JPT2: variants seen among roughly 807,000 people sequenced by gnomAD.
The protein encoded by JPT2 is CRAMP_1 like.
A neutral mutation model predicts 15.9 loss-of-function variants in JPT2; 9 were observed. The ratio of observed to expected loss-of-function variants is 0.57; its 90% CI spans 0.34 to 0.99. JPT2 has a LOEUF of 0.99. JPT2 is among the 50% of genes least tolerant of loss of function. JPT2 has a pLI of 0.02. For synonymous variants in JPT2, 95 were observed against 91.7 expected (o/e 1.04, Z -0.21); for missense variants, 267 against 252.1 (o/e 1.06, Z -0.40).
In JPT2 at chr16:1,699,068, T is replaced by A; in HGVS notation, c.*70T>A. ...ATAGGGTAGCCATGTTTTCATTTCC[T>A]TTTGCCCAAATGAGCGGGGTGGGAA... On this transcript the variant is annotated 3_prime_UTR_variant, in exon 5 of 5. Transcript: ENST00000248098. The A allele has an allele frequency of 6.6e-7, 1 of 1,525,578 alleles. No homozygotes were observed. The allele number at this position is 1,525,578 out of a possible 1,614,324, so 94.5% of individuals were successfully genotyped here.
intron 1 of JPT2, chr16:1,683,575 C>T (rs2037041788): frequency 6.5e-7 from 1 of 1,535,472 alleles, no homozygotes; most frequent in Non-Finnish European, 8.7e-7. Flanking sequence ...GACAGGGGCC[C>T]TGGGCACCAC....
chr16:1,681,915 G>A (rs937097419), intron 1 of JPT2, among the ~76,000 whole-genome samples: 5 of 152,206 alleles, frequency 3.3e-5, no homozygotes, highest in Admixed American at 3.3e-4. Context: ...TGAGAGAAAA[G>A]CCATATTTGA....
intron 3 of JPT2, among the ~76,000 whole-genome samples, chr16:1,697,508 T>C (rs1596510381): frequency 6.7e-6 from 1 of 150,010 alleles, no homozygotes; most frequent in African/African-American, 2.5e-5. Context: ...ACAAGACTCT[T>C]GTCTCCAAAA....
chr16:1,685,303 G>A, intron 1 of JPT2, 136 bp from the exon 2 acceptor site: 1 of 917,260 alleles, frequency 1.1e-6, no homozygotes, highest in Non-Finnish European at 1.6e-6. Flanking sequence ...GCTCCAGCCT[G>A]GGTGACAGAA....
intron 1 of JPT2, 117 bp downstream of exon 1, chr16:1,678,473 C>T: frequency 9.7e-7 from 1 of 1,034,332 alleles, no homozygotes; most frequent in Non-Finnish European, 1.2e-6. Flanking sequence ...GGCAGGGCGA[C>T]CTCACAGAGG....
In JPT2 at chr16:1,691,833, G is replaced by A. The variant is rs149280508; in HGVS notation, c.194-10G>A. On this transcript the variant is annotated splice_polypyrimidine_tract_variant and intron_variant, in intron 2 of 4. Coordinates refer to ENST00000248098, the MANE Select transcript of JPT2 (RefSeq NM_144570.3). ...TCTGGTTGCTCAGTGTTCTGTGATC[G>A]TTTCTGCAGGGGGTAAAGGAAGTGG... is the stretch of plus-strand genomic sequence containing the variant. 1.2e-5 allele frequency: 19 copies of A among 1,611,842 alleles called. No homozygotes were observed. The highest frequency in any genetic ancestry group is 8.9e-5 in the East Asian group (4 of 44,854).
intron 3 of JPT2, 43 bp from the exon 4 acceptor site, chr16:1,697,769 A>G: frequency 1.9e-6 from 3 of 1,600,352 alleles, no homozygotes; most frequent in Non-Finnish European, 2.6e-6. Context: ...TGAGGGTAAA[A>G]TTTTCTGAGT....
intron 1 of JPT2, among the ~76,000 whole-genome samples, chr16:1,681,567 C>T (rs544811818): frequency 2.7e-4 from 41 of 152,320 alleles, no homozygotes; most frequent in African/African-American, 8.4e-4. Context: ...TTGGGTTTCA[C>T]CTCTTCCAAA....
At position 1,700,150 on chromosome 16, in the gene JPT2, T is replaced by C. The variant is rs1173393052; in HGVS notation, c.*1152T>C. ...CACCCTCTACAAAGCTTTATAGAACTTCTGGATCTAACTCACAAACAAGCT... is the reference window on the plus strand; with the variant it reads ...CACCCTCTACAAAGCTTTATAGAACCTCTGGATCTAACTCACAAACAAGCT... On this transcript the variant is annotated 3_prime_UTR_variant, in exon 5 of 5. Transcript: ENST00000248098. The C allele has an allele frequency of 6.6e-6, 3 of 455,970 alleles. No individual in the cohort carries two copies. The highest frequency in any genetic ancestry group is 1.3e-5 in the Non-Finnish European group (3 of 226,792). 28.2% of individuals were successfully genotyped at this position (455,970 alleles called of 1,614,324 possible).
chr16:1,698,697 A>T lies in JPT2; in HGVS notation c.386-114A>T. On this transcript the variant is annotated intron_variant, in intron 4 of 4. Transcript: ENST00000248098. The surrounding 1 kb of genome is among the most constrained non-coding windows in gnomAD (Gnocchi z 4.9). Reference sequence around the variant, plus strand: ...CTATATTGTCTTCTCTTTCCCAGTTACAGCATGAATTTCTTGCAGGTTGCT... The same window carrying T: ...CTATATTGTCTTCTCTTTCCCAGTTTCAGCATGAATTTCTTGCAGGTTGCT... 2 of 1,008,142 alleles carry T rather than the reference A, an allele frequency of 2.0e-6. No individual in the cohort carries two copies. The highest frequency in any genetic ancestry group is 2.9e-6 in the Non-Finnish European group (2 of 694,356). 62.4% of individuals were successfully genotyped at this position (1,008,142 alleles called of 1,614,324 possible). A position where few individuals can be genotyped will look rare whatever the true frequency, so the allele number is the denominator to read the frequency against.
At chr16:1,681,352 G>T (rs1179477532) in intron 1 of JPT2, among the ~76,000 whole-genome samples, 1 of 152,204 alleles carries the variant, frequency 6.6e-6, no homozygotes, top group African/African-American at 2.4e-5. Context: ...GGCTGGGCCT[G>T]TGTGCGCCAT....
At chr16:1,685,782 C>T (rs2037060425) in intron 2 of JPT2, 195 bp downstream of exon 2, 2 of 571,288 alleles carry the variant, frequency 3.5e-6, no homozygotes, top group Non-Finnish European at 5.8e-6. Context: ...TTGAATTCTC[C>T]ATCTGTTCTG....
chr16:1,685,275 C>G, intron 1 of JPT2, 164 bp from the exon 2 acceptor site: 2 of 667,044 alleles, frequency 3.0e-6, no homozygotes, highest in Non-Finnish European at 4.8e-6. Flanking sequence ...TTGCAGTGAG[C>G]CAAAATCACG....
At chr16:1,678,592 C>T (rs939230242) in intron 1 of JPT2, among the ~76,000 whole-genome samples, 2 of 152,052 alleles carry the variant, frequency 1.3e-5, no homozygotes, top group Non-Finnish European at 2.9e-5. Context: ...CGACCGAGGC[C>T]GAGGGCGGGG....
chr16:1,682,098 G>C (rs962839879), intron 1 of JPT2, among the ~76,000 whole-genome samples: 4 of 152,204 alleles, frequency 2.6e-5, no homozygotes, highest in African/African-American at 9.7e-5. Flanking sequence ...AGAATTGGCT[G>C]GGCACAGTGG....
At chr16:1,679,163 C>T (rs911622314) in intron 1 of JPT2, among the ~76,000 whole-genome samples, 6 of 152,214 alleles carry the variant, frequency 3.9e-5, no homozygotes, top group African/African-American at 1.4e-4. Flanking sequence ...GTCTTTCGTG[C>T]CACTTGAGCA....
chr16:1,678,344 G>T lies in JPT2; in HGVS notation c.32G>T (p.Arg11Leu). The change falls in exon 1 of 5, where the codon CGC becomes CTC. Residue 11 changes from arginine to leucine, a missense_variant. Physicochemically the swap from Arg to Leu is moderately radical, Grantham distance 102 (BLOSUM62 -2). Coordinates refer to ENST00000248098, the MANE Select transcript of JPT2 (RefSeq NM_144570.3). The part of the protein sequence containing the change: MFQVPDSEGG[R>L]AGSRAMKPPG... ...CAGGTCCCGGATAGCGAGGGCGGCC[G>T]CGCCGGCTCCAGGTGCGGCGCGGGG... The T allele has an allele frequency of 8.1e-7, 1 of 1,233,548 alleles. No homozygotes were observed. The highest frequency in any genetic ancestry group is 3.2e-5 in the East Asian group (1 of 31,458). The allele number at this position is 1,233,548 out of a possible 1,614,324, so 76.4% of individuals were successfully genotyped here. A position where few individuals can be genotyped will look rare whatever the true frequency, so the allele number is the denominator to read the frequency against.
chr16:1,692,237 G>A (rs2037108774), intron 3 of JPT2: 2 of 527,654 alleles, frequency 3.8e-6, no homozygotes, highest in East Asian at 3.4e-5. Flanking sequence ...CTGCAGACGG[G>A]CTGTGGCGGC....
rs1288083412 is a variant in JPT2, at chr16:1,699,560, A to G, written c.*562A>G. ...TTCCTCGGCAGCTTTCAAAAAACCA[A>G]ATAATAATAGTTATCCGTCTTCTAC... On this transcript the variant is annotated 3_prime_UTR_variant, in exon 5 of 5. Transcript: ENST00000248098. The G allele has an allele frequency of 3.0e-6, 1 of 328,484 alleles. No individual in the cohort carries two copies. The highest frequency in any genetic ancestry group is 2.2e-5 in the African/African-American group (1 of 46,450). The allele number at this position is 328,484 out of a possible 1,614,324, so 20.3% of individuals were successfully genotyped here.
Sources: gnomAD v4.1 joint callset for allele counts (sites outside exome capture counted in the v4.1 genomes callset) on GRCh38, gnomAD v4.1.1 for gene constraint, Gnocchi (gnomAD v3.1) non-coding constraint, MANE v1.5 for transcripts, NCBI Gene and HGNC (gene_info 2026-07-23, HGNC 2026-07-21) for gene names.